The following TSPAN15 variants were observed in gnomAD, a reference collection of about 807,000 sequenced individuals.
TSPAN15 encodes the protein tetraspanin 15.
A neutral mutation model predicts 34.5 loss-of-function variants in TSPAN15; 20 were observed. The observed-to-expected ratio is 0.58, with a 90% confidence interval of 0.41 to 0.84. The LOEUF is 0.84. Among genes scored for constraint, TSPAN15 ranks in the 40% least tolerant of loss-of-function variants. TSPAN15 has a pLI of 0.00. For synonymous variants in TSPAN15, 155 were observed against 153.9 expected, an observed-to-expected ratio of 1.01 and a Z score of -0.05; for missense variants, 313 against 386.1, an observed-to-expected ratio of 0.81 and a Z score of 1.59.
the TSPAN15 span, among the ~76,000 whole-genome samples, chr10:69,519,304 C>T: frequency 1.3e-5 from 2 of 151,968 alleles, no homozygotes; most frequent in Non-Finnish European, 2.9e-5. Context: ...CCTGTAGTCC[C>T]ATGTTCTTGG....
intron 1 of TSPAN15, among the ~76,000 whole-genome samples, chr10:69,479,778 C>T (rs943070395): frequency 6.6e-6 from 1 of 152,248 alleles, no homozygotes; most frequent in Admixed American, 6.5e-5. Context: ...CCCATGCCCG[C>T]TGCTCTTGGG....
chr10:69,507,560 G>A lies in TSPAN15; in HGVS notation c.*582G>A. The A allele has an allele frequency of 7.7e-7, 1 of 1,304,102 alleles. No individual in the cohort carries two copies. The highest frequency in any genetic ancestry group is 1.0e-6 in the Non-Finnish European group (1 of 988,944). 80.8% of individuals were successfully genotyped at this position (1,304,102 alleles called of 1,614,324 possible). On this transcript the variant is annotated 3_prime_UTR_variant, in exon 8 of 8. Transcript: ENST00000373290. ...CATTCATTTTTTTGTACAGATAACA[G>A]GAGTTTCTGACTAATCAAAGCTGGT...
chr10:69,488,124 G>A (rs1841892859), intron 3 of TSPAN15, among the ~76,000 whole-genome samples: 1 of 152,214 alleles, frequency 6.6e-6, no homozygotes, highest in South Asian at 2.1e-4. Context: ...TGAGGGATGA[G>A]ACTAGGGTGA....
chr10:69,526,999 A>G, the TSPAN15 span, among the ~76,000 whole-genome samples: 1 of 147,802 alleles, frequency 6.8e-6, no homozygotes, highest in African/African-American at 2.5e-5. Context: ...ATGAAAACAT[A>G]TGTTCACAGA....
chr10:69,495,741 C>G, intron 4 of TSPAN15, 52 bp downstream of exon 4: 1 of 1,268,922 alleles, frequency 7.9e-7, no homozygotes, highest in Non-Finnish European at 1.2e-6. Flanking sequence ...CTTAGCCCCC[C>G]ATTCAGGCCC....
Position 69,451,607 on chromosome 10 carries a change from G to A in TSPAN15, c.13G>A (p.Asp5Asn), listed in dbSNP as rs1248138225. MPRG[D>N]SEQVRYCARF... ...GGGAGCGCCCAGGATGCCGCGCGGG[G>A]ACTCGGAGCAGGTGCGCTACTGCGC... Residue 5 changes from aspartate (D) to asparagine (N), a missense_variant, in exon 1 of 8, where the codon GAC becomes AAC. Coordinates refer to ENST00000373290, the MANE Select transcript of TSPAN15 (RefSeq NM_012339.5). 6.6e-7 allele frequency: 1 copy of A among 1,507,280 alleles called. No homozygotes were observed. The highest frequency in any genetic ancestry group is 2.2e-5 in the Admixed American group (1 of 46,396). 93.4% of individuals were successfully genotyped at this position (1,507,280 alleles called of 1,614,324 possible). A position where few individuals can be genotyped will look rare whatever the true frequency, so the allele number is the denominator to read the frequency against.
chr10:69,464,532 A>C (rs1449266939), intron 1 of TSPAN15, among the ~76,000 whole-genome samples: 1 of 152,178 alleles, frequency 6.6e-6, no homozygotes, highest in Non-Finnish European at 1.5e-5. Context: ...AAAACCGGGG[A>C]AGGTGGATGC....
Position 69,479,236 on chromosome 10 carries a change from G to A in TSPAN15, c.97-4455G>A, listed in dbSNP as rs1330877383. ...TTGCCCCAGCTGTGGTGAGCCAGCCGGCACGGGTGACCAGATGCTTCCTTC... is the reference window on the plus strand; with the variant it reads ...TTGCCCCAGCTGTGGTGAGCCAGCCAGCACGGGTGACCAGATGCTTCCTTC... On this transcript the variant is annotated intron_variant, in intron 1 of 7. Transcript: ENST00000373290. Among the ~76,000 whole-genome samples, 4 of 152,330 alleles carry A rather than the reference G, an allele frequency of 2.6e-5. 1 individual carries two copies.
chr10:69,465,298 G>T (rs1841360162), intron 1 of TSPAN15, among the ~76,000 whole-genome samples: 1 of 152,212 alleles, frequency 6.6e-6, no homozygotes, highest in Non-Finnish European at 1.5e-5. Flanking sequence ...CAAGATGAGG[G>T]CAGGAGTTGT....
At chr10:69,540,876 C>A in the TSPAN15 span, among the ~76,000 whole-genome samples, 7 of 152,138 alleles carry the variant, frequency 4.6e-5, no homozygotes, top group East Asian at 1.4e-3. Context: ...ATGTGTCCTG[C>A]GTTCAGGAGG....
At chr10:69,540,204 A>G in the TSPAN15 span, among the ~76,000 whole-genome samples, 2 of 152,030 alleles carry the variant, frequency 1.3e-5, no homozygotes, top group Non-Finnish European at 2.9e-5. Flanking sequence ...CATCCTAGCT[A>G]ACACGGTGAA....
At chr10:69,527,690 C>G in the TSPAN15 span, among the ~76,000 whole-genome samples, 2 of 147,748 alleles carry the variant, frequency 1.4e-5, 1 homozygote, top group East Asian at 5.0e-4. Flanking sequence ...ATGGGTCAGA[C>G]AAGCTTGCTT....
chr10:69,489,089 C>T (rs995465018), intron 3 of TSPAN15, among the ~76,000 whole-genome samples: 12 of 152,274 alleles, frequency 7.9e-5, no homozygotes, highest in Middle Eastern at 3.4e-3. Context: ...ACTCCCAGAG[C>T]GGCCGTTTAT....
the TSPAN15 span, among the ~76,000 whole-genome samples, chr10:69,545,347 C>T: frequency 6.6e-6 from 1 of 152,156 alleles, no homozygotes. Flanking sequence ...TCTCCCCAGG[C>T]CATCTCTGTT....
intron 1 of TSPAN15, among the ~76,000 whole-genome samples, chr10:69,466,537 C>A (rs1435120096): frequency 9.9e-6 from 1 of 100,862 alleles, no homozygotes; most frequent in Non-Finnish European, 2.2e-5. Context: ...TAGTTTAGGT[C>A]AGGACCGTAT....
the TSPAN15 span, among the ~76,000 whole-genome samples, chr10:69,513,185 G>A: frequency 1.3e-5 from 2 of 152,148 alleles, no homozygotes; most frequent in Non-Finnish European, 2.9e-5. Flanking sequence ...TAATCATGTT[G>A]AGTACTTTTC....
the TSPAN15 span, among the ~76,000 whole-genome samples, chr10:69,540,877 G>A: frequency 0.012 from 1,798 of 152,254 alleles, 30 homozygotes; most frequent in African/African-American, 0.033. Flanking sequence ...TGTGTCCTGC[G>A]TTCAGGAGGA....
the TSPAN15 span, among the ~76,000 whole-genome samples, chr10:69,515,890 A>AC: frequency 6.6e-6 from 1 of 152,240 alleles, no homozygotes; most frequent in African/African-American, 2.4e-5. Context: ...GAGCCTGGGC[A>AC]CCTGCCTGGG....
downstream of TSPAN15, among the ~76,000 whole-genome samples, chr10:69,511,389 G>A (rs1476300759): frequency 6.6e-6 from 1 of 152,122 alleles, no homozygotes; most frequent in East Asian, 1.9e-4. Context: ...ATTCTCTGAA[G>A]GTAGTTTGTA....
Sources: allele counts gnomAD v4.1 joint callset (sites outside exome capture counted in the v4.1 genomes callset), GRCh38; gene constraint gnomAD v4.1.1; transcripts MANE v1.5; gene names NCBI Gene and HGNC (gene_info 2026-07-23, HGNC 2026-07-21).